Variants in SEC62 observed in about 807,000 individuals in gnomAD.
SEC62 encodes the protein SEC62 preprotein translocation factor.
SEC62 carries 10 observed loss-of-function variants against 47.5 expected under a neutral mutation model. That is an observed-to-expected ratio of 0.21 (90% CI 0.13 to 0.36). The LOEUF is 0.36. SEC62 is among the 10% of genes least tolerant of loss of function. SEC62 has a pLI of 1.00. For missense variants in SEC62, 327 were observed against 464.1 expected, an observed-to-expected ratio of 0.70 and a Z score of 2.71; for synonymous variants, 136 against 150.5, an observed-to-expected ratio of 0.90 and a Z score of 0.71.
chr3:169,980,875 A>C (rs1355877447), intron 3 of SEC62, among the ~76,000 whole-genome samples: 1 of 152,214 alleles, frequency 6.6e-6, no homozygotes, highest in Admixed American at 6.5e-5. Flanking sequence ...TTTTCAATTA[A>C]CATATGAGGA....
intron 6 of SEC62, 137 bp downstream of exon 6, chr3:169,986,002 AGAT>A: frequency 1.7e-6 from 1 of 585,422 alleles, no homozygotes. Context: ...TAAAGTCAGA[AGAT>A]AAATAATACA....
chr3:169,976,286 T>C (rs1188136490), intron 2 of SEC62, among the ~76,000 whole-genome samples: 2 of 152,150 alleles, frequency 1.3e-5, no homozygotes, highest in Non-Finnish European at 2.9e-5. Context: ...GAGGATGGCT[T>C]GAGCCCAGGA....
chr3:169,973,594 TGG>T (rs1714758259), intron 1 of SEC62, among the ~76,000 whole-genome samples: 2 of 147,244 alleles, frequency 1.4e-5, no homozygotes, highest in African/African-American at 2.6e-5. Flanking sequence ...ACTCAGGAGG[TGG>T]GGGTTGCAGT....
At chr3:169,975,075 G>C (rs1397697007) in intron 1 of SEC62, among the ~76,000 whole-genome samples, 1 of 152,118 alleles carries the variant, frequency 6.6e-6, no homozygotes, top group Non-Finnish European at 1.5e-5. Flanking sequence ...GAGGTCAGGA[G>C]TTCAAGACCA....
At chr3:169,990,031 CAT>C (rs1006133599) in intron 7 of SEC62, among the ~76,000 whole-genome samples, 2 of 146,182 alleles carry the variant, frequency 1.4e-5, no homozygotes, top group Admixed American at 6.9e-5. Flanking sequence ...TCATATATAT[CAT>C]ATAATATATA....
At chr3:169,991,384 C>T (rs1338490660) in intron 7 of SEC62, among the ~76,000 whole-genome samples, 1 of 151,976 alleles carries the variant, frequency 6.6e-6, no homozygotes, top group African/African-American at 2.4e-5. Context: ...TAGCAAGAAC[C>T]TGTCTATCAA....
At chr3:169,968,791 C>T (rs1207747295) in intron 1 of SEC62, among the ~76,000 whole-genome samples, 1 of 152,118 alleles carries the variant, frequency 6.6e-6, no homozygotes, top group African/African-American at 2.4e-5. Flanking sequence ...TAGAGTATAG[C>T]TGTTTACTTT....
chr3:169,989,111 AGAGGCAGGGTCTTGC>A (rs564221587), intron 7 of SEC62, among the ~76,000 whole-genome samples: 433 of 151,298 alleles, frequency 2.9e-3, no homozygotes, highest in African/African-American at 9.8e-3. Flanking sequence ...TTATTTGTTT[AGAGGCAGGGTCTTGC>A]TCTGTCACCC....
Position 169,994,825 on chromosome 3 carries a change from C to A in SEC62, c.*1762C>A, listed in dbSNP as rs577485161. ...TGATAATACCCAGGCACTCAATATT[C>A]ATCCTGAAATTTTTTATAATATATG... On this transcript the variant is annotated 3_prime_UTR_variant, in exon 8 of 8. Coordinates refer to ENST00000337002, the MANE Select transcript of SEC62 (RefSeq NM_003262.4). 2.6e-5 allele frequency: 4 copies of A among 152,218 alleles called. 1 individual carries two copies. Among genetic ancestry groups the A allele is most frequent in the African/African-American group, 9.6e-5 (4 of 41,542 alleles). The allele number at this position is 152,218 out of a possible 1,614,324, so 9.4% of individuals were successfully genotyped here.
chr3:169,987,972 G>T (rs1053100376), intron 6 of SEC62, among the ~76,000 whole-genome samples: 3 of 152,066 alleles, frequency 2.0e-5, no homozygotes, highest in Non-Finnish European at 2.9e-5. Context: ...AATTAAGGAG[G>T]CAACAGTTTT....
In SEC62 at chr3:169,994,024, A is replaced by G. The variant is rs550268129; in HGVS notation, c.*961A>G. Reference sequence around the variant, plus strand: ...CTGATCTTAAGAGCAGACTTAAAGTAGCTTTGTACGCCTTAATGTTCATTT... The same window carrying G: ...CTGATCTTAAGAGCAGACTTAAAGTGGCTTTGTACGCCTTAATGTTCATTT... On this transcript the variant is annotated 3_prime_UTR_variant, in exon 8 of 8. Coordinates refer to ENST00000337002, the MANE Select transcript of SEC62 (RefSeq NM_003262.4). 1 of 152,768 alleles carries G rather than the reference A, an allele frequency of 6.5e-6. No individual in the cohort carries two copies. Among genetic ancestry groups the G allele is most frequent in the South Asian group, 2.1e-4 (1 of 4,832 alleles). 9.5% of individuals were successfully genotyped at this position (152,768 alleles called of 1,614,324 possible).
At position 169,982,733 on chromosome 3, in the gene SEC62, G is replaced by A. The variant is rs1325620228; in HGVS notation, c.278G>A (p.Arg93Gln). 3 of 1,608,020 alleles carry A rather than the reference G, an allele frequency of 1.9e-6. No homozygotes were observed. Among genetic ancestry groups the A allele is most frequent in the East Asian group, 2.2e-5 (1 of 44,590 alleles). Reference protein sequence around the residue: ...NRLLKKQFFHRALKVMKMKYD... With the variant: ...NRLLKKQFFHQALKVMKMKYD... ...CTTTTAAAGAAGCAGTTTTTTCACC[G>A]AGCCCTAAAAGTAATGAAAATGAAA... Residue 93 changes from arginine to glutamine, a missense_variant, in exon 4 of 8, where the codon CGA becomes CAA. Arg to Gln is a conservative substitution (Grantham distance 43). Around this residue, in one of 3 missense-constraint regions of SEC62, gnomAD observed 126 missense variants for 161.2 expected, o/e 0.78. Transcript: ENST00000337002.
At chr3:169,988,407 C>A in intron 7 of SEC62, 48 bp downstream of exon 7, 1 of 1,594,274 alleles carries the variant, frequency 6.3e-7, no homozygotes, top group Non-Finnish European at 8.6e-7. Context: ...TGGTATTGAG[C>A]AGTTGGACTG....
At chr3:169,982,975 C>T in intron 4 of SEC62, 64 bp downstream of exon 4, 3 of 1,536,386 alleles carry the variant, frequency 2.0e-6, no homozygotes, top group Non-Finnish European at 2.6e-6. Context: ...CACTACTGGC[C>T]TATGAGCACA....
intron 6 of SEC62, among the ~76,000 whole-genome samples, chr3:169,987,539 T>C (rs1027090720): frequency 6.6e-6 from 1 of 152,230 alleles, no homozygotes; most frequent in Non-Finnish European, 1.5e-5. Flanking sequence ...AAGAGACTTA[T>C]TAAATATAAG....
At chr3:169,983,441 T>C in intron 5 of SEC62, 188 bp downstream of exon 5, 1 of 409,824 alleles carries the variant, frequency 2.4e-6, no homozygotes, top group Non-Finnish European at 4.4e-6. Flanking sequence ...GATTTGACTG[T>C]GAGTGATAGG....
intron 5 of SEC62, 91 bp downstream of exon 5, chr3:169,983,344 G>C: frequency 1.5e-6 from 1 of 689,088 alleles, no homozygotes; most frequent in Non-Finnish European, 2.4e-6. Flanking sequence ...GAAAAATTTT[G>C]AGAAATCTAA....
intron 1 of SEC62, among the ~76,000 whole-genome samples, chr3:169,967,898 T>G (rs895591309): frequency 1.3e-5 from 2 of 152,200 alleles, no homozygotes; most frequent in African/African-American, 4.8e-5. Context: ...TTTTTAAGTT[T>G]ATCGATTTAT....
At chr3:169,985,937 A>G (rs1715095548) in intron 6 of SEC62, 72 bp downstream of exon 6, 1 of 1,016,492 alleles carries the variant, frequency 9.8e-7, no homozygotes, top group Non-Finnish European at 1.5e-6. Flanking sequence ...ATACTGTAAA[A>G]GAAAATGTTC....
Sources: allele counts gnomAD v4.1 joint callset (sites outside exome capture counted in the v4.1 genomes callset), GRCh38; gene constraint gnomAD v4.1.1; regional missense constraint gnomAD v4.1.1; transcripts MANE v1.5; gene names NCBI Gene and HGNC (gene_info 2026-07-23, HGNC 2026-07-21).